Variants in ARVCF observed in about 807,000 individuals in gnomAD.
ARVCF encodes the protein splicing regulator ARVCF.
Under a neutral mutation model 90.9 loss-of-function variants are expected in ARVCF, and 66 were observed. The observed-to-expected ratio is 0.73, with a 90% confidence interval of 0.60 to 0.89. ARVCF has a LOEUF of 0.89. Ranked by LOEUF, ARVCF falls within the 40% of genes least tolerant of loss-of-function variation. The pLI is 0.00. For missense variants in ARVCF, 1,469 were observed against 1,382.3 expected (o/e 1.06, Z -1.00); for synonymous variants, 653 against 603.4 (o/e 1.08, Z -1.21).
intron 3 of ARVCF, among the ~76,000 whole-genome samples, chr22:19,984,216 C>T (rs1014556468): frequency 6.6e-6 from 1 of 152,176 alleles, no homozygotes; most frequent in African/African-American, 2.4e-5. Context: ...CCCCTCTTCC[C>T]TAGCTAGGCA....
chr22:19,974,258 C>T lies in ARVCF; in HGVS notation c.1961-19G>A. ...TCAAAGCCTAGGTGCAGGGCAACCG[C>T]CACCCACGGTCACCCAGAATCTGCT... On this transcript the variant is annotated intron_variant, in intron 11 of 19. Coordinates refer to ENST00000263207, the MANE Select transcript of ARVCF (RefSeq NM_001670.3). The T allele has an allele frequency of 2.5e-6, 4 of 1,587,558 alleles. No individual in the cohort carries two copies. Among genetic ancestry groups the T allele is most frequent in the Non-Finnish European group, 3.4e-6 (4 of 1,163,368 alleles).
intron 3 of ARVCF, chr22:19,987,047 T>C (rs968388508): frequency 1.5e-6 from 1 of 652,450 alleles, no homozygotes; most frequent in Non-Finnish European, 2.8e-6. Flanking sequence ...CGGGCCAGGG[T>C]CCCCCCAAGC....
intron 3 of ARVCF, chr22:19,987,153 C>T (rs920488956): frequency 2.2e-6 from 1 of 457,648 alleles, no homozygotes; most frequent in East Asian, 3.6e-5. Flanking sequence ...GGACCAGGCT[C>T]GGCTCCGGCG....
chr22:19,973,274 T>TGCATTGCGC lies in ARVCF; in HGVS notation c.2274_2282dup (p.Arg759_Ala761dup), dbSNP rs781574583. 6.3e-5 allele frequency: 101 copies of TGCATTGCGC among 1,607,838 alleles called. 2 individuals carry two copies. In the South Asian group the frequency reaches 7.6e-4, roughly 12 times the overall value. The stretch of plus-strand genomic sequence containing the variant: ...AGGCCCCCGGTCGCGGCGGAGCCTG[T>TGCATTGCGC]GCATTGCGCACATTCCGCACAAGCT... On this transcript the variant is annotated inframe_insertion, in exon 14 of 20. Transcript: ENST00000263207.
Position 19,973,250 on chromosome 22 carries a change from G to C in ARVCF, c.2307C>G (p.Ala769=). 1 of 1,610,414 alleles carries C rather than the reference G, an allele frequency of 6.2e-7. No individual in the cohort carries two copies. The highest frequency in any genetic ancestry group is 2.2e-5 in the East Asian group (1 of 44,762). ...CCACCACGGTGTCTTCCTCCAGGCA[G>C]GCCCCCGGTCGCGGCGGAGCCTGTG... is the stretch of plus-strand genomic sequence containing the variant. ...RNAQAPPRPG[A]CLEEDTVVAV... Residue 769 remains alanine, a synonymous_variant, in exon 14 of 20, where the codon GCC becomes GCG. Coordinates refer to ENST00000263207, the MANE Select transcript of ARVCF (RefSeq NM_001670.3).
intron 6 of ARVCF, chr22:19,979,385 AC>A: frequency 3.9e-6 from 2 of 512,862 alleles, no homozygotes; most frequent in East Asian, 6.6e-5. Context: ...AGACACGGTG[AC>A]CCTACCTGTC....
downstream of ARVCF, chr22:19,967,087 G>A: frequency 1.6e-6 from 2 of 1,239,794 alleles, no homozygotes; most frequent in Middle Eastern, 4.6e-4. Context: ...GTAAAGGAGT[G>A]GGCCCCTGGC....
At chr22:19,987,053 C>A (rs746268836) in intron 3 of ARVCF, 1 of 654,628 alleles carries the variant, frequency 1.5e-6, no homozygotes. Context: ...AGGGTCCCCC[C>A]AAGCCAACTT....
chr22:19,969,876 G>A, downstream of ARVCF: 1 of 985,462 alleles, frequency 1.0e-6, no homozygotes, highest in Non-Finnish European at 1.2e-6. Flanking sequence ...TGCCAGACCT[G>A]AGTGGCAGAA....
At chr22:19,986,233 C>T (rs756939148) in intron 3 of ARVCF, among the ~76,000 whole-genome samples, 1 of 152,214 alleles carries the variant, frequency 6.6e-6, no homozygotes, top group Non-Finnish European at 1.5e-5. Context: ...CCCTCCACCT[C>T]TGAGGGCCAG....
At chr22:19,999,122 C>T (rs974764794) in intron 2 of ARVCF, among the ~76,000 whole-genome samples, 1 of 152,180 alleles carries the variant, frequency 6.6e-6, no homozygotes, top group African/African-American at 2.4e-5. Flanking sequence ...GGAGGCCAGG[C>T]CACATTTCCC....
At chr22:19,967,099 G>A (rs1942441948), downstream of ARVCF, 37 of 1,250,378 alleles carry the variant, frequency 3.0e-5, no homozygotes, top group Middle Eastern at 2.3e-4. Context: ...GCCCCTGGCA[G>A]CCTCCAAAGG....
At chr22:19,996,844 T>C (rs577826638) in intron 2 of ARVCF, among the ~76,000 whole-genome samples, 2 of 151,928 alleles carry the variant, frequency 1.3e-5, no homozygotes, top group South Asian at 2.1e-4. Context: ...GCCTGGAAAT[T>C]TGATTTCCCC....
intron 2 of ARVCF, among the ~76,000 whole-genome samples, chr22:19,995,760 C>T (rs1259110068): frequency 6.6e-6 from 1 of 152,134 alleles, no homozygotes; most frequent in East Asian, 1.9e-4. Context: ...CAGCTGTCTA[C>T]CAGAACACAG....
Position 20,016,605 on chromosome 22 carries a change from G to A in ARVCF, c.-89C>T, listed in dbSNP as rs970111553. 6.6e-6 allele frequency: 1 copy of A among 151,604 alleles called. No individual in the cohort carries two copies. Among genetic ancestry groups the A allele is most frequent in the African/African-American group, 2.4e-5 (1 of 41,326 alleles). 9.4% of individuals were successfully genotyped at this position (151,604 alleles called of 1,614,324 possible). On this transcript the variant is annotated 5_prime_UTR_variant, in exon 1 of 20. Transcript: ENST00000263207. ...CAGGCTTACCTGGAGCGCAGCGTGG[G>A]CGGCCCCGCAGCGCGGCCTCGGACC...
intron 3 of ARVCF, among the ~76,000 whole-genome samples, chr22:19,986,890 C>G: frequency 6.6e-6 from 1 of 152,196 alleles, no homozygotes; most frequent in Non-Finnish European, 1.5e-5. Flanking sequence ...GGGCACCGCG[C>G]TCACACCGCC....
At position 19,980,108 on chromosome 22, in the gene ARVCF, G is replaced by A. The variant is rs1033505830; in HGVS notation, c.1031C>T (p.Pro344Leu). The change falls in exon 6 of 20, where the codon CCC becomes CTC. Residue 344 changes from proline (P) to leucine (L), a missense_variant. Transcript: ENST00000263207. Reference protein sequence around the residue: ...GSLDRLVRRSPSVDSARKEPR... With the variant: ...GSLDRLVRRSLSVDSARKEPR... Reference sequence around the variant, plus strand: ...CTCCTTGCGGGCGCTATCCACTGAGGGCGAGCGCCGCACCAGCCGGTCCAG... The same window carrying A: ...CTCCTTGCGGGCGCTATCCACTGAGAGCGAGCGCCGCACCAGCCGGTCCAG... 5 of 1,586,364 alleles carry A rather than the reference G, an allele frequency of 3.2e-6. No homozygotes were observed. The highest frequency in any genetic ancestry group is 4.3e-6 in the Non-Finnish European group (5 of 1,169,766).
intron 3 of ARVCF, among the ~76,000 whole-genome samples, chr22:19,989,740 G>GC (rs539399503): frequency 9.9e-5 from 15 of 152,030 alleles, no homozygotes; most frequent in Non-Finnish European, 2.1e-4. Flanking sequence ...TGCAGGGAGA[G>GC]CCCTCTAGGG....
chr22:20,005,771 G>T lies in ARVCF; in HGVS notation c.-19+4684C>A, dbSNP rs1016331786. Among the ~76,000 whole-genome samples the T allele has an allele frequency of 4.0e-4, 61 of 151,638 alleles. 3 individuals carry two copies. On this transcript the variant is annotated intron_variant, in intron 2 of 19. Transcript: ENST00000263207. ...AGATCGTGCCACTGCACTCCAGCCT[G>T]GGCGGCAGAGCGAGACTCCGTCTAA... is the stretch of plus-strand genomic sequence containing the variant.
Sources: gnomAD v4.1 joint callset for allele counts (sites outside exome capture counted in the v4.1 genomes callset) on GRCh38, gnomAD v4.1.1 for gene constraint, MANE v1.5 for transcripts, NCBI Gene and HGNC (gene_info 2026-07-23, HGNC 2026-07-21) for gene names.